Variants in DSCAML1 observed in about 807,000 individuals in gnomAD.
The protein encoded by DSCAML1 is cell adhesion molecule DSCAML1.
DSCAML1 carries 38 observed loss-of-function variants against 200.5 expected under a neutral mutation model. The ratio of observed to expected loss-of-function variants is 0.19; its 90% CI spans 0.15 to 0.25. The LOEUF is 0.25. Among genes scored for constraint, DSCAML1 ranks in the 10% least tolerant of loss-of-function variants. The pLI is 1.00. For missense variants in DSCAML1, 2,223 were observed against 2,858.8 expected, an observed-to-expected ratio of 0.78 and a Z score of 5.07; for synonymous variants, 1,215 against 1,165.0, an observed-to-expected ratio of 1.04 and a Z score of -0.87.
chr11:117,449,124 G>A (rs1234516174), intron 20 of DSCAML1, among the ~76,000 whole-genome samples: 1 of 152,214 alleles, frequency 6.6e-6, no homozygotes, highest in African/African-American at 2.4e-5. Context: ...CAAATGGTAT[G>A]ATTCCATTTA....
At chr11:117,811,452 T>G (rs941432909) in intron 1 of DSCAML1, among the ~76,000 whole-genome samples, 4 of 152,236 alleles carry the variant, frequency 2.6e-5, no homozygotes, top group African/African-American at 7.2e-5. Flanking sequence ...ACCTCCACTG[T>G]GAGACAAACC....
At position 117,480,095 on chromosome 11, in the gene DSCAML1, C is replaced by A. The variant is rs1005512475; in HGVS notation, c.2785+348G>T. 5.3e-5 allele frequency among the ~76,000 whole-genome samples: 8 copies of A among 152,206 alleles called. No homozygotes were observed. The highest frequency in any genetic ancestry group is 7.3e-5 in the Non-Finnish European group (5 of 68,028). On this transcript the variant is annotated intron_variant, in intron 14 of 32. Coordinates refer to ENST00000651296, the MANE Select transcript of DSCAML1 (RefSeq NM_020693.4). The surrounding 1 kb of genome is among the most constrained non-coding windows in gnomAD (Gnocchi z 4.1). The stretch of plus-strand genomic sequence containing the variant: ...GAGCACCCATATGACCTGGCCAAAC[C>A]CGTGATGCTTCTGATGCCAGAGACA...
chr11:117,781,287 T>C (rs11216543), intron 1 of DSCAML1, among the ~76,000 whole-genome samples: 41,499 of 138,780 alleles, frequency 0.3, 6,946 homozygotes, highest in Non-Finnish European at 0.38. Flanking sequence ...CAAGACTCTG[T>C]CTCGAAAAAA....
intron 3 of DSCAML1, among the ~76,000 whole-genome samples, chr11:117,772,087 G>T (rs1247886156): frequency 6.6e-6 from 1 of 152,166 alleles, no homozygotes; most frequent in African/African-American, 2.4e-5. Flanking sequence ...GTGGAAGAGG[G>T]CATGTGGACG....
chr11:117,580,625 G>C (rs1015486303), intron 3 of DSCAML1, among the ~76,000 whole-genome samples: 1 of 152,152 alleles, frequency 6.6e-6, no homozygotes, highest in Non-Finnish European at 1.5e-5. Flanking sequence ...CTTGAGCTGG[G>C]ATCTGAGGTA....
intron 15 of DSCAML1, 32 bp from the exon 16 acceptor site, chr11:117,470,012 C>G: frequency 6.4e-7 from 1 of 1,560,274 alleles, no homozygotes; most frequent in Non-Finnish European, 8.7e-7. Context: ...AGAAACATTA[C>G]AAGTCAAGAC....
chr11:117,512,498 G>T (rs2049646203), intron 8 of DSCAML1, among the ~76,000 whole-genome samples: 1 of 152,176 alleles, frequency 6.6e-6, no homozygotes, highest in African/African-American at 2.4e-5. Flanking sequence ...GGAGTGGTGG[G>T]GGCACGTCCC....
chr11:117,670,803 G>A (rs1460619914), intron 3 of DSCAML1, among the ~76,000 whole-genome samples: 1 of 152,152 alleles, frequency 6.6e-6, no homozygotes, highest in East Asian at 1.9e-4. Context: ...TTGGGCAAAG[G>A]CATGGGGAAG....
In DSCAML1 at chr11:117,518,800, C is replaced by G; in HGVS notation, c.1214-38G>C. 1.3e-6 allele frequency: 2 copies of G among 1,581,788 alleles called. No individual in the cohort carries two copies. Among genetic ancestry groups the G allele is most frequent in the Non-Finnish European group, 1.7e-6 (2 of 1,169,118 alleles). Reference sequence around the variant, plus strand: ...AGAAGCCCCCTTCAGGGTCACCAAGCCATGGAGAGACGGTCCCCCCAGCCA... The same window carrying G: ...AGAAGCCCCCTTCAGGGTCACCAAGGCATGGAGAGACGGTCCCCCCAGCCA... On this transcript the variant is annotated intron_variant, in intron 6 of 32. Transcript: ENST00000651296. The surrounding 1 kb of genome is among the most constrained non-coding windows in gnomAD (Gnocchi z 6.3).
intron 1 of DSCAML1, among the ~76,000 whole-genome samples, chr11:117,811,542 C>G (rs1591527584): frequency 6.6e-6 from 1 of 152,346 alleles, no homozygotes; most frequent in East Asian, 1.9e-4. Flanking sequence ...CCTCCTCCCC[C>G]AGGAGCTTAC....
At chr11:117,488,732 A>G (rs1407746719) in intron 11 of DSCAML1, among the ~76,000 whole-genome samples, 1 of 152,122 alleles carries the variant, frequency 6.6e-6, no homozygotes, top group Non-Finnish European at 1.5e-5. Flanking sequence ...TTTAACACAC[A>G]TCTCCCCACA....
At chr11:117,591,193 G>C (rs2051252721) in intron 3 of DSCAML1, among the ~76,000 whole-genome samples, 1 of 152,210 alleles carries the variant, frequency 6.6e-6, no homozygotes, top group African/African-American at 2.4e-5. Flanking sequence ...AGCACAGTTA[G>C]GAAGTGGCAG....
At chr11:117,447,298 A>C (rs542536929) in intron 20 of DSCAML1, among the ~76,000 whole-genome samples, 2 of 152,322 alleles carry the variant, frequency 1.3e-5, no homozygotes, top group South Asian at 4.1e-4. Context: ...ATACACACGA[A>C]AAAATGTTTT....
intron 3 of DSCAML1, among the ~76,000 whole-genome samples, chr11:117,571,002 G>A (rs1199686267): frequency 1.3e-5 from 2 of 152,256 alleles, no homozygotes; most frequent in African/African-American, 2.4e-5. Context: ...AAGCTTTATA[G>A]ATTACTCTTG....
chr11:117,767,563 G>A (rs925739458), intron 3 of DSCAML1, among the ~76,000 whole-genome samples: 3 of 152,176 alleles, frequency 2.0e-5, no homozygotes, highest in Admixed American at 6.5e-5. Context: ...AATACAAGAT[G>A]TCTGAGTCCG....
At chr11:117,690,851 G>A (rs1457316966) in intron 3 of DSCAML1, among the ~76,000 whole-genome samples, 1 of 152,172 alleles carries the variant, frequency 6.6e-6, no homozygotes, top group Non-Finnish European at 1.5e-5. Flanking sequence ...GAGAGTAGAG[G>A]GGCTCTGGGC....
At chr11:117,544,925 TGATGCCCTTATAACAA>T (rs2050342998) in intron 3 of DSCAML1, among the ~76,000 whole-genome samples, 1 of 152,098 alleles carries the variant, frequency 6.6e-6, no homozygotes. Flanking sequence ...TCCTGACTGA[TGATGCCCTTATAACAA>T]GAGGAAGAGG....
chr11:117,598,025 A>G (rs1047494059), intron 3 of DSCAML1, among the ~76,000 whole-genome samples: 12 of 152,130 alleles, frequency 7.9e-5, no homozygotes, highest in Non-Finnish European at 1.6e-4. Flanking sequence ...CAATATATAT[A>G]TTAAAGAAGT....
rs1235488508 is a variant in DSCAML1 at position 117,709,711 on chromosome 11, G to T, written c.511+67080C>A. On this transcript the variant is annotated intron_variant, in intron 3 of 32. Coordinates refer to ENST00000651296, the MANE Select transcript of DSCAML1 (RefSeq NM_020693.4). ...CTGGTTTCACTGGCTTTGGGCTAAG[G>T]CTTCATCAGGGGAAGCCAATAAGGC... 13 of 454,944 alleles carry T rather than the reference G, an allele frequency of 2.9e-5. 1 individual carries two copies. In the East Asian group the frequency reaches 9.0e-4, roughly 32 times the overall value. 28.2% of individuals were successfully genotyped at this position (454,944 alleles called of 1,614,324 possible). A position where few individuals can be genotyped will look rare whatever the true frequency, so the allele number is the denominator to read the frequency against.
Sources: gnomAD v4.1 joint callset for allele counts (sites outside exome capture counted in the v4.1 genomes callset) on GRCh38, gnomAD v4.1.1 for gene constraint, Gnocchi (gnomAD v3.1) non-coding constraint, MANE v1.5 for transcripts, NCBI Gene and HGNC (gene_info 2026-07-23, HGNC 2026-07-21) for gene names.